MIA2: variants seen among roughly 807,000 people sequenced by gnomAD.
MIA2 encodes melanoma inhibitory activity protein 2.
In MIA2, 127 loss-of-function variants were observed where a neutral mutation model predicts 167.8. The ratio of observed to expected loss-of-function variants is 0.76; its 90% confidence interval spans 0.66 to 0.88. The LOEUF is 0.88. Ranked by LOEUF, MIA2 falls within the 40% of genes least tolerant of loss-of-function variation. The probability of loss-of-function intolerance (pLI) is 0.00; values close to 1 mark genes in which losing one functional copy is unlikely to be tolerated. For missense variants in MIA2, 1,690 were observed against 1,624.7 expected (o/e 1.04, Z -0.69); for synonymous variants, 552 against 541.9 (o/e 1.02, Z -0.26).
At chr14:39,341,344 G>A (rs557354977) in intron 25 of MIA2, among the ~76,000 whole-genome samples, 5 of 151,980 alleles carry the variant, frequency 3.3e-5, no homozygotes, top group Non-Finnish European at 7.4e-5. Flanking sequence ...ATAAATAAAT[G>A]ATGGATAATA....
intron 3 of MIA2, among the ~76,000 whole-genome samples, chr14:39,241,403 T>C (rs2054032461): frequency 6.6e-6 from 1 of 152,226 alleles, no homozygotes; most frequent in Non-Finnish European, 1.5e-5. Context: ...TGTATAATAA[T>C]TGGTCCTGTC....
intron 3 of MIA2, among the ~76,000 whole-genome samples, chr14:39,243,212 C>T (rs1230261688): frequency 6.6e-6 from 1 of 151,948 alleles, no homozygotes; most frequent in African/African-American, 2.4e-5. Context: ...GTGAAGGTCT[C>T]AGTTGATTTC....
At position 39,302,111 on chromosome 14, in the gene MIA2, C is replaced by A; in HGVS notation, c.2620-18C>A. The A allele has an allele frequency of 6.2e-7, 1 of 1,609,134 alleles. No homozygotes were observed. Among genetic ancestry groups the A allele is most frequent in the South Asian group, 1.1e-5 (1 of 90,558 alleles). On this transcript the variant is annotated intron_variant, in intron 14 of 28. Transcript: ENST00000640607. ...AAGGCATTACCCTCTCTATTTTTCC[C>A]CTTTGTTCAATGTCAAGACTCTGAC...
rs1566585810 is a variant in MIA2 at position 39,240,619 on chromosome 14, T to A, written c.308T>A (p.Ile103Lys). Residue 103 changes from isoleucine to lysine, a missense_variant, in exon 3 of 29, where the codon ATA becomes AAA. Coordinates refer to ENST00000640607, the MANE Select transcript of MIA2 (RefSeq NM_001329214.4). ...GCAGTCCAGATTGAAGAGGTGTTCA[T>A]ATCTGAGGAAATTCAGATGTCAACG... ...RDAVQIEEVF[I>K]SEEIQMSTKE... 1 of 1,612,820 alleles carries A rather than the reference T, an allele frequency of 6.2e-7. No individual in the cohort carries two copies. Among genetic ancestry groups the A allele is most frequent in the East Asian group, 2.2e-5 (1 of 44,786 alleles).
chr14:39,272,979 A>G (rs1316522097), intron 6 of MIA2, among the ~76,000 whole-genome samples: 1 of 151,994 alleles, frequency 6.6e-6, no homozygotes, highest in East Asian at 1.9e-4. Flanking sequence ...AATTCAACTG[A>G]TTTTTCTATG....
At chr14:39,385,939 G>A (rs763514339) in intron 23 of MIA2, 139 of 826,778 alleles carry the variant, frequency 1.7e-4, no homozygotes, top group Non-Finnish European at 2.1e-4. Flanking sequence ...GGTGGGGAGA[G>A]ACACACTGAG....
At chr14:39,335,764 C>T (rs531521310) in intron 25 of MIA2, among the ~76,000 whole-genome samples, 1 of 152,152 alleles carries the variant, frequency 6.6e-6, no homozygotes, top group Admixed American at 6.5e-5. Context: ...TTTGTCTCTC[C>T]TCGCTCTACT....
chr14:39,246,368 A>T (rs1295666652), intron 3 of MIA2, among the ~76,000 whole-genome samples: 1 of 152,080 alleles, frequency 6.6e-6, no homozygotes, highest in African/African-American at 2.4e-5. Context: ...AAGTGCTGGG[A>T]TTACAGGCGT....
chr14:39,328,710 T>C (rs2153000393), intron 25 of MIA2, among the ~76,000 whole-genome samples: 1 of 152,330 alleles, frequency 6.6e-6, no homozygotes, highest in Admixed American at 6.5e-5. Context: ...GAACGCAATT[T>C]ATTAAATAGG....
At position 39,248,159 on chromosome 14, in the gene MIA2, T is replaced by C. The variant is rs2054393226; in HGVS notation, c.1567+18T>C. ...TCTGTCAGGTTGGTATGAAAATATT[T>C]ACATTAGAATTTATTTTATTTTTAA... is the stretch of plus-strand genomic sequence containing the variant. On this transcript the variant is annotated intron_variant, in intron 4 of 28. Transcript: ENST00000640607. 7.6e-7 allele frequency: 1 copy of C among 1,312,184 alleles called. No homozygotes were observed. The highest frequency in any genetic ancestry group is 2.0e-5 in the South Asian group (1 of 49,580). The allele number at this position is 1,312,184 out of a possible 1,614,324, so 81.3% of individuals were successfully genotyped here. A position where few individuals can be genotyped will look rare whatever the true frequency, so the allele number is the denominator to read the frequency against.
chr14:39,280,726 C>T (rs1164431425), intron 9 of MIA2, among the ~76,000 whole-genome samples: 1 of 150,678 alleles, frequency 6.6e-6, no homozygotes, highest in Non-Finnish European at 1.5e-5. Flanking sequence ...AGTGAGACTC[C>T]TTCTCAAAAC....
At chr14:39,283,225 G>A (rs1407203492) in intron 9 of MIA2, among the ~76,000 whole-genome samples, 1 of 152,176 alleles carries the variant, frequency 6.6e-6, no homozygotes. Context: ...TGTAGAAGGT[G>A]CCAATTTCAT....
At position 39,288,468 on chromosome 14, in the gene MIA2, TATATATA is replaced by T. The variant is rs1448587956; in HGVS notation, c.2131-2550_2131-2544del. On this transcript the variant is annotated intron_variant, in intron 9 of 28. Transcript: ENST00000640607. Reference sequence around the variant, plus strand: ...ATATATATATATATATATATATATATATATATATTTTTTTTTTTTTTTTTGAGACGGA... The same window carrying T: ...ATATATATATATATATATATATATATTTTTTTTTTTTTTTTTTGAGACGGA... 5.6e-3 allele frequency among the ~76,000 whole-genome samples: 248 copies of T among 44,156 alleles called. 8 individuals carry two copies. The highest frequency in any genetic ancestry group is 0.029 in the African/African-American group (233 of 7,928). The allele number at this position is 44,156 out of a possible 152,430, so 29.0% of individuals were successfully genotyped here. A position where few individuals can be genotyped will look rare whatever the true frequency, so the allele number is the denominator to read the frequency against.
At chr14:39,342,087 A>G (rs1398894006) in intron 25 of MIA2, among the ~76,000 whole-genome samples, 4 of 152,236 alleles carry the variant, frequency 2.6e-5, no homozygotes, top group African/African-American at 9.6e-5. Flanking sequence ...TTACATATGT[A>G]TACATGTGCC....
In MIA2 at chr14:39,248,168, ATTTAT is replaced by A. The variant is rs759773985; in HGVS notation, c.1567+36_1567+40del. The A allele has an allele frequency of 5.5e-6, 7 of 1,283,962 alleles. No homozygotes were observed. In the East Asian group the frequency reaches 1.8e-4, roughly 33 times the overall value. The allele number at this position is 1,283,962 out of a possible 1,614,324, so 79.5% of individuals were successfully genotyped here. On this transcript the variant is annotated intron_variant, in intron 4 of 28. Coordinates refer to ENST00000640607, the MANE Select transcript of MIA2 (RefSeq NM_001329214.4). ...TTGGTATGAAAATATTTACATTAGA[ATTTAT>A]TTTATTTTTAAACATAATTTATTTT... is the stretch of plus-strand genomic sequence containing the variant.
rs377381170 is a variant in MIA2, at chr14:39,293,537, C to T, written c.2319+156C>T. 1.1e-4 allele frequency among the ~76,000 whole-genome samples: 16 copies of T among 152,268 alleles called. No individual in the cohort carries two copies. In the East Asian group the frequency reaches 1.9e-3, roughly 18 times the overall value. On this transcript the variant is annotated intron_variant, in intron 11 of 28. Transcript: ENST00000640607. ...AAATTTTCTAGATCCATTCTTTTCA[C>T]TTCCCCCAGATGTTACTGTGTTAAA...
chr14:39,280,469 ATGC>A (rs1236961362), intron 9 of MIA2, among the ~76,000 whole-genome samples: 1 of 152,160 alleles, frequency 6.6e-6, no homozygotes, highest in Non-Finnish European at 1.5e-5. Flanking sequence ...ACGGTGGCTC[ATGC>A]TTGTAATCCC....
chr14:39,290,462 A>G (rs1420865681), intron 9 of MIA2, among the ~76,000 whole-genome samples: 2 of 151,986 alleles, frequency 1.3e-5, no homozygotes, highest in African/African-American at 4.8e-5. Context: ...ATAGCATTAT[A>G]TGTTTTATTG....
At chr14:39,273,531 T>C (rs2057486271) in intron 6 of MIA2, among the ~76,000 whole-genome samples, 1 of 152,168 alleles carries the variant, frequency 6.6e-6, no homozygotes, top group Admixed American at 6.5e-5. Flanking sequence ...TTTTGTTGAA[T>C]GTTTTGACTA....
Sources: gnomAD v4.1 joint callset for allele counts (sites outside exome capture counted in the v4.1 genomes callset) on GRCh38, gnomAD v4.1.1 for gene constraint, MANE v1.5 for transcripts, NCBI Gene and HGNC (gene_info 2026-07-23, HGNC 2026-07-21) for gene names.